The following CDH13 variants were observed in gnomAD, a reference collection of about 807,000 sequenced individuals.
CDH13 encodes the protein cadherin-13.
Under a neutral mutation model 63.8 loss-of-function variants are expected in CDH13, and 24 were observed. The observed-to-expected ratio is 0.38, with a 90% CI of 0.27 to 0.53. The LOEUF is 0.53. Ranked by LOEUF, CDH13 falls within the 20% of genes least tolerant of loss-of-function variation. The pLI is 0.85. For missense variants in CDH13, 1,049 were observed against 903.1 expected, an observed-to-expected ratio of 1.16 and a Z score of -2.07; for synonymous variants, 503 against 355.3, an observed-to-expected ratio of 1.42 and a Z score of -4.67.
intron 5 of CDH13, among the ~76,000 whole-genome samples, chr16:83,301,025 G>GTTTTTTTTTTTTT (rs3052591): frequency 1.7e-4 from 13 of 78,780 alleles, no homozygotes; most frequent in Admixed American, 4.2e-4. Flanking sequence ...ACTTTCTGGG[G>GTTTTTTTTTTTTT]TTTTTTTTTT....
In CDH13 at chr16:82,972,766, A is replaced by G. The variant is rs188113424; in HGVS notation, c.158-59244A>G. 6.6e-5 allele frequency among the ~76,000 whole-genome samples: 10 copies of G among 151,412 alleles called. No homozygotes were observed. The East Asian group carries it at 2.0e-3, about 30-fold the overall frequency. On this transcript the variant is annotated intron_variant, in intron 2 of 13. Coordinates refer to ENST00000567109, the MANE Select transcript of CDH13 (RefSeq NM_001257.5). ...TGAACTGGTTGTCAAAGCAAGAATC[A>G]GCCTTGTGTTTACAACCACTGAGAA...
At chr16:83,604,799 T>C (rs1326794214) in intron 8 of CDH13, among the ~76,000 whole-genome samples, 2 of 152,202 alleles carry the variant, frequency 1.3e-5, no homozygotes, top group East Asian at 3.8e-4. Flanking sequence ...AATATGAAGA[T>C]GAATCTGTGT....
chr16:82,907,379 A>T (rs1395573747), intron 2 of CDH13, among the ~76,000 whole-genome samples: 1 of 152,036 alleles, frequency 6.6e-6, no homozygotes, highest in Non-Finnish European at 1.5e-5. Flanking sequence ...TTTAATCATA[A>T]TCCCTTTACT....
chr16:83,335,168 A>G (rs1383604727), intron 5 of CDH13, among the ~76,000 whole-genome samples: 3 of 152,096 alleles, frequency 2.0e-5, no homozygotes, highest in Admixed American at 6.5e-5. Flanking sequence ...TTTCCATGGA[A>G]TCTCTGCAGA....
intron 10 of CDH13, among the ~76,000 whole-genome samples, chr16:83,690,208 A>G (rs1904712278): frequency 6.6e-6 from 1 of 152,188 alleles, no homozygotes; most frequent in African/African-American, 2.4e-5. Flanking sequence ...TATCATCGAA[A>G]TCATATTCCT....
intron 7 of CDH13, among the ~76,000 whole-genome samples, chr16:83,492,446 T>C (rs564807753): frequency 6.6e-6 from 1 of 152,332 alleles, no homozygotes; most frequent in Non-Finnish European, 1.5e-5. Flanking sequence ...TCCTCACAAT[T>C]TCTTCGAGCT....
chr16:83,184,483 G>C (rs74249506), intron 4 of CDH13, among the ~76,000 whole-genome samples: 2 of 151,960 alleles, frequency 1.3e-5, no homozygotes, highest in East Asian at 3.9e-4. Context: ...GGCAGGGTGC[G>C]GTGGCTCACA....
intron 5 of CDH13, among the ~76,000 whole-genome samples, chr16:83,270,271 G>T (rs1426606967): frequency 6.6e-6 from 1 of 152,138 alleles, no homozygotes; most frequent in Admixed American, 6.5e-5. Flanking sequence ...GTCATGCTGT[G>T]TTTGGGTGGA....
At chr16:83,282,992 G>A (rs1246789683) in intron 5 of CDH13, among the ~76,000 whole-genome samples, 1 of 152,166 alleles carries the variant, frequency 6.6e-6, no homozygotes, top group Non-Finnish European at 1.5e-5. Flanking sequence ...AATTAATTCT[G>A]TTCTTCACTC....
intron 2 of CDH13, among the ~76,000 whole-genome samples, chr16:82,981,675 A>T (rs956591608): frequency 3.3e-5 from 5 of 152,344 alleles, no homozygotes; most frequent in East Asian, 1.9e-4. Flanking sequence ...ATAAAATTTT[A>T]AAAAATCCAT....
At chr16:82,659,582 T>C (rs1288802883) in intron 1 of CDH13, among the ~76,000 whole-genome samples, 1 of 152,182 alleles carries the variant, frequency 6.6e-6, no homozygotes, top group Non-Finnish European at 1.5e-5. Flanking sequence ...AACTCCCCTA[T>C]TGGGAATTTC....
chr16:83,748,681 G>C (rs1187371962), intron 11 of CDH13, among the ~76,000 whole-genome samples: 1 of 152,170 alleles, frequency 6.6e-6, no homozygotes, highest in Admixed American at 6.5e-5. Flanking sequence ...CGCTGCCAAG[G>C]AAAGGCATCA....
At position 83,217,433 on chromosome 16, in the gene CDH13, A is replaced by G. The variant is rs757294994; in HGVS notation, c.572A>G (p.Asn191Ser). The change falls in exon 5 of 14, where the codon AAT (asparagine) becomes AGT (serine). Residue 191 changes from asparagine to serine, a missense_variant. Physicochemically the swap from Asn to Ser is conservative, Grantham distance 46. Coordinates refer to ENST00000567109, the MANE Select transcript of CDH13 (RefSeq NM_001257.5). Reference protein sequence around the residue: ...DQEPKGIFRINENTGSVSVTR... With the variant: ...DQEPKGIFRISENTGSVSVTR... ...GAGCCTAAAGGAATTTTCAGAATCAATGAGAACACAGGGAGCGTCTCCGTG... is the reference window on the plus strand; with the variant it reads ...GAGCCTAAAGGAATTTTCAGAATCAGTGAGAACACAGGGAGCGTCTCCGTG... The G allele has an allele frequency of 4.2e-5, 68 of 1,613,846 alleles. No individual in the cohort carries two copies. The highest frequency in any genetic ancestry group is 6.7e-5 in the East Asian group (3 of 44,888).
intron 10 of CDH13, among the ~76,000 whole-genome samples, chr16:83,741,133 T>C (rs780185849): frequency 6.6e-5 from 10 of 152,244 alleles, no homozygotes; most frequent in Non-Finnish European, 1.3e-4. Flanking sequence ...GATTCTGGAA[T>C]TCACTAGCCA....
chr16:83,266,467 A>C (rs558362406), intron 5 of CDH13, among the ~76,000 whole-genome samples: 1 of 152,272 alleles, frequency 6.6e-6, no homozygotes, highest in East Asian at 1.9e-4. Flanking sequence ...TACTTATTTT[A>C]ATTATAACAT....
At chr16:83,621,130 C>A (rs2150777723) in intron 8 of CDH13, among the ~76,000 whole-genome samples, 1 of 152,290 alleles carries the variant, frequency 6.6e-6, no homozygotes, top group South Asian at 2.1e-4. Context: ...GAAGAACTTA[C>A]CCAGGCTCCA....
chr16:83,023,930 C>G (rs1257414284), intron 2 of CDH13, among the ~76,000 whole-genome samples: 1 of 152,146 alleles, frequency 6.6e-6, no homozygotes, highest in Admixed American at 6.5e-5. Flanking sequence ...TCCTGTTTAT[C>G]AGAGCTGTCC....
chr16:82,790,293 G>C (rs1318682779), intron 1 of CDH13, among the ~76,000 whole-genome samples: 1 of 152,048 alleles, frequency 6.6e-6, no homozygotes, highest in Non-Finnish European at 1.5e-5. Context: ...AAATTAGCTG[G>C]GCATGGTGGT....
intron 2 of CDH13, among the ~76,000 whole-genome samples, chr16:82,891,744 T>A (rs1175712511): frequency 2.0e-5 from 3 of 152,134 alleles, no homozygotes; most frequent in African/African-American, 4.8e-5. Context: ...ACATCACACT[T>A]TGGGTTTCCA....
Sources: gnomAD v4.1 joint callset for allele counts (sites outside exome capture counted in the v4.1 genomes callset) on GRCh38, gnomAD v4.1.1 for gene constraint, MANE v1.5 for transcripts, NCBI Gene and HGNC (gene_info 2026-07-23, HGNC 2026-07-21) for gene names.